The following FHIT variants were observed in gnomAD, a reference collection of about 807,000 sequenced individuals.
The protein encoded by FHIT is bis(5'-adenosyl)-triphosphatase.
Under a neutral mutation model 17.9 loss-of-function variants are expected in FHIT, and 19 were observed. The ratio of observed to expected loss-of-function variants is 1.06; its 90% CI spans 0.74 to 1.56. The LOEUF (loss-of-function observed/expected upper bound fraction) is 1.56. Among genes scored for constraint, FHIT ranks in the 40% most tolerant of loss-of-function variants. The pLI is 0.00. For missense variants in FHIT, 248 were observed against 189.2 expected, an observed-to-expected ratio of 1.31 and a Z score of -1.82; for synonymous variants, 81 against 69.7, an observed-to-expected ratio of 1.16 and a Z score of -0.81.
chr3:60,229,908 A>G (rs1576341047), intron 5 of FHIT, among the ~76,000 whole-genome samples: 1 of 152,092 alleles, frequency 6.6e-6, no homozygotes, highest in African/African-American at 2.4e-5. Context: ...CTTGAGCCCA[A>G]GACTTTGAGG....
chr3:60,667,430 T>C (rs1553692732), intron 4 of FHIT, among the ~76,000 whole-genome samples: 5 of 152,174 alleles, frequency 3.3e-5, no homozygotes. Flanking sequence ...CTATTTTTAT[T>C]TCTGTTATTT....
At chr3:60,710,817 C>CCT (rs1326002027) in intron 4 of FHIT, among the ~76,000 whole-genome samples, 1 of 152,210 alleles carries the variant, frequency 6.6e-6, no homozygotes, top group African/African-American at 2.4e-5. Context: ...GGCCTGCCTG[C>CCT]CTCTGTAGGC....
At chr3:60,486,247 C>T (rs1331472542) in intron 5 of FHIT, among the ~76,000 whole-genome samples, 1 of 151,948 alleles carries the variant, frequency 6.6e-6, no homozygotes, top group African/African-American at 2.4e-5. Flanking sequence ...GCTAGAATTT[C>T]CAATAAAAAA....
chr3:60,475,532 C>A (rs142325017), intron 5 of FHIT, among the ~76,000 whole-genome samples: 1 of 152,160 alleles, frequency 6.6e-6, no homozygotes, highest in Non-Finnish European at 1.5e-5. Flanking sequence ...ACTGCAGCAG[C>A]TGATGTAGGC....
intron 2 of FHIT, among the ~76,000 whole-genome samples, chr3:61,055,937 G>A (rs973060816): frequency 2.0e-5 from 3 of 152,122 alleles, no homozygotes; most frequent in Non-Finnish European, 2.9e-5. Flanking sequence ...TCAGGGTACG[G>A]TCTCCATCAT....
chr3:60,381,412 A>G (rs1467681798), intron 5 of FHIT, among the ~76,000 whole-genome samples: 1 of 152,006 alleles, frequency 6.6e-6, no homozygotes, highest in Non-Finnish European at 1.5e-5. Flanking sequence ...TGGGAAGTGG[A>G]GATTGCAATG....
intron 7 of FHIT, among the ~76,000 whole-genome samples, chr3:59,936,676 G>T (rs908817937): frequency 6.6e-6 from 1 of 152,058 alleles, no homozygotes; most frequent in Non-Finnish European, 1.5e-5. Flanking sequence ...TGTGAAATAT[G>T]ATCAGTCCAA....
chr3:59,816,364 T>A (rs1700599995), intron 8 of FHIT, among the ~76,000 whole-genome samples: 1 of 152,216 alleles, frequency 6.6e-6, no homozygotes, highest in Non-Finnish European at 1.5e-5. Context: ...CATTAAAAAT[T>A]TAAACAAACA....
chr3:60,797,882 T>C (rs1553730891), intron 4 of FHIT, among the ~76,000 whole-genome samples: 2 of 152,084 alleles, frequency 1.3e-5, no homozygotes, highest in African/African-American at 4.8e-5. Context: ...ATTTTGAATA[T>C]TGTGCAAGAA....
At chr3:61,007,004 T>G (rs1163508509) in intron 3 of FHIT, among the ~76,000 whole-genome samples, 2 of 152,194 alleles carry the variant, frequency 1.3e-5, no homozygotes, top group African/African-American at 2.4e-5. Flanking sequence ...TGCATAACAT[T>G]TTAATATTAA....
chr3:60,454,413 C>G (rs1403603912), intron 5 of FHIT, among the ~76,000 whole-genome samples: 1 of 151,318 alleles, frequency 6.6e-6, no homozygotes, highest in African/African-American at 2.4e-5. Context: ...GAGACAGAGC[C>G]TCACTCTGTC....
At chr3:59,929,313 C>A (rs1319143488) in intron 7 of FHIT, among the ~76,000 whole-genome samples, 3 of 142,712 alleles carry the variant, frequency 2.1e-5, no homozygotes, top group Middle Eastern at 3.7e-3. Context: ...AAGGAAGAGA[C>A]AAAATTTTCC....
chr3:61,129,599 T>A (rs2106950752), intron 2 of FHIT, among the ~76,000 whole-genome samples: 1 of 152,308 alleles, frequency 6.6e-6, no homozygotes, highest in East Asian at 1.9e-4. Flanking sequence ...TTAAAATCAC[T>A]TGGGAACACC....
At chr3:60,223,658 A>C (rs1263157241) in intron 5 of FHIT, among the ~76,000 whole-genome samples, 1 of 152,086 alleles carries the variant, frequency 6.6e-6, no homozygotes, top group Non-Finnish European at 1.5e-5. Context: ...TTTTATTTTC[A>C]TAATTATAGG....
chr3:61,107,433 A>C (rs1387849658), intron 2 of FHIT, among the ~76,000 whole-genome samples: 1 of 152,204 alleles, frequency 6.6e-6, no homozygotes, highest in East Asian at 1.9e-4. Context: ...TACAATAAAC[A>C]TGGGAGTGCA....
In FHIT at chr3:60,551,074, T is replaced by C. The variant is rs1435341947; in HGVS notation, c.-17-14095A>G. ...CTATATGGGGATAAAATGTTCCAGA[T>C]GGAGGAAACAGCAATTGCCAAGGCA... On this transcript the variant is annotated intron_variant, in intron 4 of 9. Transcript: ENST00000492590. Among the ~76,000 whole-genome samples, 3 of 151,990 alleles carry C rather than the reference T, an allele frequency of 2.0e-5. No individual in the cohort carries two copies. The East Asian group carries it at 5.8e-4, about 30-fold the overall frequency.
At chr3:60,149,116 T>C (rs999001269) in intron 5 of FHIT, among the ~76,000 whole-genome samples, 15 of 152,320 alleles carry the variant, frequency 9.8e-5, no homozygotes, top group East Asian at 1.9e-4. Flanking sequence ...ACTCACCTAA[T>C]TGAACGTGAA....
chr3:61,026,067 C>G (rs2032715904), intron 3 of FHIT, among the ~76,000 whole-genome samples: 1 of 152,060 alleles, frequency 6.6e-6, no homozygotes, highest in Non-Finnish European at 1.5e-5. Context: ...TCATTTTTAT[C>G]TTTACATCTA....
chr3:60,775,405 C>T (rs1700187703), intron 4 of FHIT, among the ~76,000 whole-genome samples: 1 of 152,074 alleles, frequency 6.6e-6, no homozygotes, highest in Non-Finnish European at 1.5e-5. Flanking sequence ...GGAGCCTGGC[C>T]CTTCCTTTTC....
Sources: allele counts gnomAD v4.1 joint callset (sites outside exome capture counted in the v4.1 genomes callset), GRCh38; gene constraint gnomAD v4.1.1; transcripts MANE v1.5; gene names NCBI Gene and HGNC (gene_info 2026-07-23, HGNC 2026-07-21).